The following TANC1 variants were observed in gnomAD, a reference collection of about 807,000 sequenced individuals.
The protein encoded by TANC1 is tetratricopeptide repeat, ankyrin repeat and coiled-coil containing 1.
TANC1 carries 77 observed loss-of-function variants against 149.7 expected under a neutral mutation model. The observed-to-expected ratio is 0.51, with a 90% CI of 0.43 to 0.62. TANC1 has a LOEUF of 0.62. Ranked by LOEUF, TANC1 falls within the 20% of genes least tolerant of loss-of-function variation. The pLI, the probability that TANC1 is intolerant of heterozygous loss-of-function variation, is 0.00. For synonymous variants in TANC1, 854 were observed against 925.0 expected, an observed-to-expected ratio of 0.92 and a Z score of 1.39; for missense variants, 1,985 against 2,321.8, an observed-to-expected ratio of 0.85 and a Z score of 2.98.
intron 2 of TANC1, among the ~76,000 whole-genome samples, chr2:159,043,457 T>A (rs1251380229): frequency 6.6e-6 from 1 of 152,140 alleles, no homozygotes; most frequent in Non-Finnish European, 1.5e-5. Context: ...ATGCTATTCT[T>A]GGTAAATTTT....
chr2:159,105,429 A>C (rs1375810601), intron 4 of TANC1, among the ~76,000 whole-genome samples: 2 of 152,212 alleles, frequency 1.3e-5, no homozygotes, highest in Non-Finnish European at 2.9e-5. Context: ...TTCAGTGGTA[A>C]TTACACTCAC....
At chr2:159,042,221 A>G (rs957217754) in intron 2 of TANC1, among the ~76,000 whole-genome samples, 43 of 152,310 alleles carry the variant, frequency 2.8e-4, no homozygotes, top group Non-Finnish European at 2.9e-5. Flanking sequence ...CTCGGCACGC[A>G]CAAACCTGTT....
rs2059571623 is a variant in TANC1, at chr2:159,219,772, C to T, written c.3583C>T (p.Gln1195Ter). Residue 1195 changes from glutamine (Q) to a stop codon, truncating the protein, a stop_gained, in exon 22 of 27, where the codon CAG becomes TAG. Coordinates refer to ENST00000263635, the MANE Select transcript of TANC1 (RefSeq NM_033394.3). LOFTEE classifies it high-confidence loss of function. ...TCTGAAAGGTCACAGGGCAGTGGTCCAGTATCTGGTTGAAGAAGGAGCTGC... is the reference window on the plus strand; with the variant it reads ...TCTGAAAGGTCACAGGGCAGTGGTCTAGTATCTGGTTGAAGAAGGAGCTGC... ...ACLKGHRAVV[Q>*]YLVEEGAAID... 6.2e-7 allele frequency: 1 copy of T among 1,614,162 alleles called. No homozygotes were observed. The highest frequency in any genetic ancestry group is 8.5e-7 in the Non-Finnish European group (1 of 1,180,030).
intron 5 of TANC1, among the ~76,000 whole-genome samples, chr2:159,143,079 C>CAAAAAAAAAAAAAAAAAAACAAAA (rs57371944): frequency 7.5e-6 from 1 of 133,862 alleles, no homozygotes; most frequent in Non-Finnish European, 1.6e-5. Context: ...AAAAAAAAAA[C>CAAAAAAAAAAAAAAAAAAACAAAA]AACAAAACAA....
rs150151595 is a variant in TANC1, at chr2:159,069,808, A to G, written c.61+3837A>G. Among the ~76,000 whole-genome samples the G allele has an allele frequency of 9.5e-3, 1,295 of 135,836 alleles. 8 individuals carry two copies. Among genetic ancestry groups the G allele is most frequent in the Non-Finnish European group, 0.015 (998 of 65,316 alleles). The allele number at this position is 135,836 out of a possible 152,430, so 89.1% of individuals were successfully genotyped here. ...TTTTGAGACAGGGTTTTGCTGAGTC[A>G]CCCAGGCTGGAGTGCAGTGGCGTGA... is the stretch of plus-strand genomic sequence containing the variant. On this transcript the variant is annotated intron_variant, in intron 3 of 26. Transcript: ENST00000263635.
chr2:158,990,137 G>C (rs2149270312), intron 1 of TANC1, among the ~76,000 whole-genome samples: 1 of 152,166 alleles, frequency 6.6e-6, no homozygotes, highest in African/African-American at 2.4e-5. Flanking sequence ...GGCTGGTCTT[G>C]CACTCCTGAC....
chr2:158,969,834 C>T (rs144135458), intron 1 of TANC1, among the ~76,000 whole-genome samples: 3 of 152,346 alleles, frequency 2.0e-5, no homozygotes, highest in Admixed American at 1.3e-4. Context: ...CTCCCAGCCC[C>T]CTCCTGCCAG....
chr2:159,010,678 G>A (rs998668844), intron 2 of TANC1, among the ~76,000 whole-genome samples: 1 of 149,312 alleles, frequency 6.7e-6, no homozygotes, highest in Non-Finnish European at 1.5e-5. Context: ...TGGACGGACA[G>A]GAGACTACAT....
chr2:159,130,374 G>C (rs75090658), intron 4 of TANC1, among the ~76,000 whole-genome samples: 1 of 152,220 alleles, frequency 6.6e-6, no homozygotes, highest in African/African-American at 2.4e-5. Flanking sequence ...ACAAAAAGTT[G>C]TGAGGGGAAG....
chr2:159,096,821 G>A (rs1255982250), intron 3 of TANC1, among the ~76,000 whole-genome samples: 2 of 152,272 alleles, frequency 1.3e-5, no homozygotes, highest in East Asian at 1.9e-4. Flanking sequence ...TAGGATTGGC[G>A]GGAAAGTTGT....
intron 19 of TANC1, among the ~76,000 whole-genome samples, chr2:159,208,752 G>T (rs1490054194): frequency 6.6e-6 from 1 of 152,198 alleles, no homozygotes; most frequent in Non-Finnish European, 1.5e-5. Flanking sequence ...GAAACAATAA[G>T]GAAGGTGTTC....
chr2:159,116,430 A>AAACAACAACAAC (rs70994264), intron 4 of TANC1, among the ~76,000 whole-genome samples: 1 of 148,610 alleles, frequency 6.7e-6, no homozygotes, highest in Non-Finnish European at 1.5e-5. Context: ...CAGTCTCAAA[A>AAACAACAACAAC]AACAACAACA....
At chr2:159,045,980 T>A (rs931688792) in intron 2 of TANC1, among the ~76,000 whole-genome samples, 5 of 152,192 alleles carry the variant, frequency 3.3e-5, no homozygotes, top group African/African-American at 1.2e-4. Flanking sequence ...TACAATAGAT[T>A]TGCGTATTGA....
At chr2:159,229,134 C>A (rs943356694) in intron 26 of TANC1, among the ~76,000 whole-genome samples, 37 of 152,128 alleles carry the variant, frequency 2.4e-4, no homozygotes, top group African/African-American at 7.0e-4. Flanking sequence ...CCCCTCCCCC[C>A]ACGTGAAACT....
intron 5 of TANC1, among the ~76,000 whole-genome samples, chr2:159,143,979 A>G (rs2051760443): frequency 6.6e-6 from 1 of 151,702 alleles, no homozygotes; most frequent in South Asian, 2.1e-4. Context: ...AATATCTAGT[A>G]TGATAAATGT....
chr2:159,026,335 A>G (rs2039339802), intron 2 of TANC1, among the ~76,000 whole-genome samples: 1 of 152,052 alleles, frequency 6.6e-6, no homozygotes, highest in South Asian at 2.1e-4. Flanking sequence ...CAGTGTCCTT[A>G]CTCAGATGCT....
At chr2:159,199,146 G>A (rs2058070208) in intron 19 of TANC1, 93 bp downstream of exon 19, 2 of 858,300 alleles carry the variant, frequency 2.3e-6, no homozygotes, top group African/African-American at 1.7e-5. Flanking sequence ...ACTGATATAT[G>A]TAGTCCTGTT....
At chr2:159,157,821 A>G (rs920613049) in intron 7 of TANC1, among the ~76,000 whole-genome samples, 18 of 152,176 alleles carry the variant, frequency 1.2e-4, no homozygotes, top group Non-Finnish European at 2.5e-4. Context: ...TTTAAGTGCT[A>G]CTTTATTTTT....
intron 19 of TANC1, among the ~76,000 whole-genome samples, chr2:159,205,420 C>T (rs1163985462): frequency 6.6e-6 from 1 of 152,228 alleles, no homozygotes; most frequent in Non-Finnish European, 1.5e-5. Flanking sequence ...GTCACATATA[C>T]AGCCATCCCC....
Sources: gnomAD v4.1 joint callset for allele counts (sites outside exome capture counted in the v4.1 genomes callset) on GRCh38, gnomAD v4.1.1 for gene constraint, MANE v1.5 for transcripts, NCBI Gene and HGNC (gene_info 2026-07-23, HGNC 2026-07-21) for gene names.